Variants in EIF4E3 observed in about 807,000 individuals in gnomAD.
EIF4E3 encodes the protein eukaryotic translation initiation factor 4E type 3.
In EIF4E3, 26 loss-of-function variants were observed where a neutral mutation model predicts 31.7. The observed-to-expected ratio is 0.82, with a 90% CI of 0.60 to 1.14. The LOEUF is 1.14. EIF4E3 is among the 50% of genes most tolerant of loss of function. The pLI, the probability that EIF4E3 is intolerant of heterozygous loss-of-function variation, is 0.00. For missense variants in EIF4E3, 304 were observed against 270.9 expected (o/e 1.12, Z -0.86); for synonymous variants, 128 against 107.7 (o/e 1.19, Z -1.17).
upstream of EIF4E3, chr3:71,754,122 C>CA: frequency 7.0e-7 from 1 of 1,432,064 alleles, no homozygotes; most frequent in Non-Finnish European, 9.2e-7. The surrounding 1 kb of genome is among the most constrained non-coding windows in gnomAD (Gnocchi z 5.8). Context: ...GCTGGCCACG[C>CA]TCAGCCTGCT....
chr3:71,687,820 TG>T (rs1335048001), intron 6 of EIF4E3, among the ~76,000 whole-genome samples: 1 of 152,228 alleles, frequency 6.6e-6, no homozygotes, highest in African/African-American at 2.4e-5. Flanking sequence ...TATGTAAACT[TG>T]GGAATACTTA....
At chr3:71,668,596 A>G in the EIF4E3 span, among the ~76,000 whole-genome samples, 8 of 152,316 alleles carry the variant, frequency 5.3e-5, no homozygotes, top group East Asian at 1.3e-3. Flanking sequence ...ATATGAACAG[A>G]CACTTCTCAA....
At chr3:71,705,998 G>A (rs1041222230) in intron 2 of EIF4E3, among the ~76,000 whole-genome samples, 4 of 152,178 alleles carry the variant, frequency 2.6e-5, no homozygotes, top group Admixed American at 6.5e-5. Flanking sequence ...GGAAAATTTG[G>A]ACAGGTTCAC....
intron 1 of EIF4E3, among the ~76,000 whole-genome samples, chr3:71,742,845 C>A (rs528304247): frequency 2.6e-5 from 4 of 152,244 alleles, no homozygotes; most frequent in African/African-American, 9.6e-5. Context: ...TCAATCAATA[C>A]AATTCACTAT....
rs2048912204 is a variant in EIF4E3, at chr3:71,680,620, T to C, written c.*4062A>G. 1 of 152,234 alleles carries C rather than the reference T, an allele frequency of 6.6e-6. No individual in the cohort carries two copies. Among genetic ancestry groups the C allele is most frequent in the African/African-American group, 2.4e-5 (1 of 41,456 alleles). 9.4% of individuals were successfully genotyped at this position (152,234 alleles called of 1,614,324 possible). On this transcript the variant is annotated 3_prime_UTR_variant, in exon 7 of 7. Coordinates refer to ENST00000425534, the MANE Select transcript of EIF4E3 (RefSeq NM_001134651.2). ...AAAATCAGAACAGTATAATCTGACA[T>C]GAAAGGAATCTATTTGGGATTTCTT... is the stretch of plus-strand genomic sequence containing the variant.
At chr3:71,712,760 T>G (rs1483677592) in intron 1 of EIF4E3, among the ~76,000 whole-genome samples, 2 of 151,936 alleles carry the variant, frequency 1.3e-5, no homozygotes, top group Non-Finnish European at 2.9e-5. Context: ...TTTGAAAGGT[T>G]TATAATGAGT....
intron 1 of EIF4E3, among the ~76,000 whole-genome samples, chr3:71,715,715 A>G (rs555808514): frequency 2.0e-5 from 3 of 152,340 alleles, no homozygotes; most frequent in African/African-American, 7.2e-5. Flanking sequence ...AAGAATTTCA[A>G]TAGTTCCACC....
intron 4 of EIF4E3, among the ~76,000 whole-genome samples, chr3:71,695,782 T>C (rs2049127762): frequency 6.6e-6 from 1 of 152,178 alleles, no homozygotes; most frequent in African/African-American, 2.4e-5. Flanking sequence ...CACTTCCCCT[T>C]TGTCCATTTT....
chr3:71,711,890 C>T (rs1213323095), intron 1 of EIF4E3, among the ~76,000 whole-genome samples: 2 of 152,022 alleles, frequency 1.3e-5, no homozygotes, highest in Non-Finnish European at 2.9e-5. Flanking sequence ...GGCTGAGACA[C>T]GAGAATCGCT....
rs149283988 is a variant in EIF4E3, at chr3:71,694,520, C to G, written c.406-579G>C. ...ATGTATGTAATTTCCCTGGAAGATT[C>G]AGTGCACGCTCCGGTCTGCCTCCTA... On this transcript the variant is annotated intron_variant, in intron 4 of 6. Transcript: ENST00000425534. Among the ~76,000 whole-genome samples the G allele has an allele frequency of 2.4e-3, 366 of 152,126 alleles. 3 individuals carry two copies. The highest frequency in any genetic ancestry group is 6.0e-3 in the Admixed American group (92 of 15,234).
intron 1 of EIF4E3, among the ~76,000 whole-genome samples, chr3:71,710,805 C>T (rs1018393322): frequency 4.6e-5 from 7 of 152,294 alleles, no homozygotes; most frequent in African/African-American, 1.7e-4. Context: ...GATAACCAAG[C>T]ATTTTCTCCA....
At chr3:71,733,838 AAAAT>A (rs2049732758) in intron 1 of EIF4E3, among the ~76,000 whole-genome samples, 1 of 152,216 alleles carries the variant, frequency 6.6e-6, no homozygotes, top group African/African-American at 2.4e-5. Flanking sequence ...TTAGTAAAGG[AAAAT>A]AAAGCAATTC....
chr3:71,723,654 T>A (rs1377214733), intron 1 of EIF4E3, among the ~76,000 whole-genome samples: 1 of 152,208 alleles, frequency 6.6e-6, no homozygotes, highest in Non-Finnish European at 1.5e-5. Context: ...TTTCCACCAG[T>A]CAGCAGTATT....
chr3:71,754,430 C>T (rs748718361), upstream of EIF4E3: 26 of 1,359,144 alleles, frequency 1.9e-5, no homozygotes, highest in African/African-American at 3.5e-4. This position sits in a 1 kb window ranked among gnomAD's most constrained non-coding sequence, Gnocchi z 5.8. Context: ...TCGCGCACCA[C>T]CGCTTCTATG....
intron 6 of EIF4E3, among the ~76,000 whole-genome samples, chr3:71,686,369 T>C (rs1289105058): frequency 6.6e-6 from 1 of 152,040 alleles, no homozygotes; most frequent in Non-Finnish European, 1.5e-5. Flanking sequence ...CCCTTCAACA[T>C]CATCTTGGAC....
chr3:71,702,302 A>G (rs946890222), intron 2 of EIF4E3, among the ~76,000 whole-genome samples: 1 of 152,216 alleles, frequency 6.6e-6, no homozygotes, highest in African/African-American at 2.4e-5. Context: ...ACAAAATAAC[A>G]TTAAGAGGAA....
chr3:71,698,009 G>A (rs186091174), intron 3 of EIF4E3, among the ~76,000 whole-genome samples: 2 of 152,300 alleles, frequency 1.3e-5, no homozygotes, highest in African/African-American at 4.8e-5. Flanking sequence ...ATAGTTGGCT[G>A]TGCTAATCTA....
At chr3:71,735,960 A>G (rs1051043895) in intron 1 of EIF4E3, among the ~76,000 whole-genome samples, 6 of 152,240 alleles carry the variant, frequency 3.9e-5, no homozygotes, top group Admixed American at 2.6e-4. Context: ...ATTCAACAAT[A>G]AGAAAATGAA....
chr3:71,741,194 GCA>G (rs147940981), intron 1 of EIF4E3, among the ~76,000 whole-genome samples: 47 of 149,060 alleles, frequency 3.2e-4, no homozygotes, highest in East Asian at 5.9e-4. Flanking sequence ...ACATGCACGC[GCA>G]CACACACACA....
Sources: allele counts gnomAD v4.1 joint callset (sites outside exome capture counted in the v4.1 genomes callset), GRCh38; gene constraint gnomAD v4.1.1; non-coding constraint Gnocchi (gnomAD v3.1); transcripts MANE v1.5; gene names NCBI Gene and HGNC (gene_info 2026-07-23, HGNC 2026-07-21).